Variants in LOXL3 observed in about 807,000 individuals in gnomAD.
LOXL3 encodes the protein lysyl oxidase like 3, also known as lysyl oxidase homolog 3.
In LOXL3, 60 loss-of-function variants were observed where a neutral mutation model predicts 91.8. The ratio of observed to expected loss-of-function variants is 0.65; its 90% CI spans 0.53 to 0.81. LOXL3 has a LOEUF of 0.81. LOXL3 is among the 30% of genes least tolerant of loss of function. The pLI, the probability that LOXL3 is intolerant of heterozygous loss-of-function variation, is 0.00. For missense variants in LOXL3, 874 were observed against 1,000.4 expected (o/e 0.87, Z 1.70); for synonymous variants, 355 against 387.6 (o/e 0.92, Z 0.99).
intron 4 of LOXL3, among the ~76,000 whole-genome samples, chr2:74,547,789 T>C (rs935892785): frequency 3.3e-5 from 5 of 152,230 alleles, no homozygotes; most frequent in African/African-American, 1.2e-4. Context: ...AAAAATAAGG[T>C]GATTCTTAGA....
At position 74,552,635 on chromosome 2, in the gene LOXL3, G is replaced by A. The variant is rs1488925147; in HGVS notation, c.-1C>T. 2 of 1,543,154 alleles carry A rather than the reference G, an allele frequency of 1.3e-6. No homozygotes were observed. Among genetic ancestry groups the A allele is most frequent in the East Asian group, 2.4e-5 (1 of 41,866 alleles). ...ACTGCCAGACACTGACAGGTCGCATGGCAGGGAAGGCCTGGGTGCCCCAGA... is the reference window on the plus strand; with the variant it reads ...ACTGCCAGACACTGACAGGTCGCATAGCAGGGAAGGCCTGGGTGCCCCAGA... On this transcript the variant is annotated 5_prime_UTR_variant, in exon 2 of 14. Coordinates refer to ENST00000264094, the MANE Select transcript of LOXL3 (RefSeq NM_032603.5).
At chr2:74,551,027 G>C (rs1027266786) in intron 2 of LOXL3, among the ~76,000 whole-genome samples, 1 of 151,670 alleles carries the variant, frequency 6.6e-6, no homozygotes, top group East Asian at 1.9e-4. Context: ...CTGTCTCCCA[G>C]GTTCAAGCAA....
In LOXL3 at chr2:74,550,295, C is replaced by G; in HGVS notation, c.367G>C (p.Glu123Gln). 1 of 1,614,130 alleles carries G rather than the reference C, an allele frequency of 6.2e-7. No homozygotes were observed. The highest frequency in any genetic ancestry group is 8.5e-7 in the Non-Finnish European group (1 of 1,179,978). Reference protein sequence around the residue: ...SCSGTEQSVTECASRGWGNSD... With the variant: ...SCSGTEQSVTQCASRGWGNSD... Reference sequence around the variant, plus strand: ...TTCCCCCAGCCCCGGGAGGCACATTCAGTCACACTCTGCTCGGTCCCACTG... The same window carrying G: ...TTCCCCCAGCCCCGGGAGGCACATTGAGTCACACTCTGCTCGGTCCCACTG... Residue 123 changes from glutamate to glutamine, a missense_variant, in exon 3 of 14, where the codon GAA becomes CAA. Coordinates refer to ENST00000264094, the MANE Select transcript of LOXL3 (RefSeq NM_032603.5).
At position 74,533,493 on chromosome 2, in the gene LOXL3, T is replaced by C. The variant is rs1007639725; in HGVS notation, c.*113A>G. 12 of 857,958 alleles carry C rather than the reference T, an allele frequency of 1.4e-5. No homozygotes were observed. The highest frequency in any genetic ancestry group is 1.9e-5 in the Non-Finnish European group (10 of 527,278). 53.1% of individuals were successfully genotyped at this position (857,958 alleles called of 1,614,324 possible). A position where few individuals can be genotyped will look rare whatever the true frequency, so the allele number is the denominator to read the frequency against. On this transcript the variant is annotated 3_prime_UTR_variant, in exon 14 of 14. Coordinates refer to ENST00000264094, the MANE Select transcript of LOXL3 (RefSeq NM_032603.5). ...TTGACAGTTCCACATCCATAGTGCA[T>C]GGTCTGATGAGTGCGGTTGCTGACA... is the stretch of plus-strand genomic sequence containing the variant.
chr2:74,549,578 C>T lies in LOXL3; in HGVS notation c.483G>A (p.Glu161=), dbSNP rs1438494537. ...GFSDSNVIEV[E]HHLQVEEVRI... Reference sequence around the variant, plus strand: ...GCACCTCCTCCACTTGCAGGTGATGCTCTACCTGGGGGCGGGGCCACAAGC... The same window carrying T: ...GCACCTCCTCCACTTGCAGGTGATGTTCTACCTGGGGGCGGGGCCACAAGC... The change falls in exon 4 of 14, where the codon GAG becomes GAA. Residue 161 remains glutamate, a synonymous_variant. Coordinates refer to ENST00000264094, the MANE Select transcript of LOXL3 (RefSeq NM_032603.5). This position sits in a 1 kb window ranked among gnomAD's most constrained non-coding sequence, Gnocchi z 5.3. The T allele has an allele frequency of 1.2e-6, 2 of 1,607,186 alleles. No homozygotes were observed. The highest frequency in any genetic ancestry group is 1.7e-6 in the Non-Finnish European group (2 of 1,175,278).
chr2:74,547,185 T>C (rs767422185), intron 4 of LOXL3, among the ~76,000 whole-genome samples: 1 of 151,990 alleles, frequency 6.6e-6, no homozygotes, highest in Non-Finnish European at 1.5e-5. Context: ...TAATTTTATT[T>C]TTAAAAAATT....
Position 74,532,535 on chromosome 2 carries a change from A to G in LOXL3, c.*1071T>C, listed in dbSNP as rs766470852. On this transcript the variant is annotated 3_prime_UTR_variant, in exon 14 of 14. Transcript: ENST00000264094. ...CCATGTCCTGTCCATATATTTATCA[A>G]TGTGTTGATGAGAGACTTGAGGTGG... is the stretch of plus-strand genomic sequence containing the variant. 10 of 998,868 alleles carry G rather than the reference A, an allele frequency of 1.0e-5. No homozygotes were observed. Among genetic ancestry groups the G allele is most frequent in the Admixed American group, 1.9e-5 (1 of 52,746 alleles). 61.9% of individuals were successfully genotyped at this position (998,868 alleles called of 1,614,324 possible). A position where few individuals can be genotyped will look rare whatever the true frequency, so the allele number is the denominator to read the frequency against.
intron 4 of LOXL3, among the ~76,000 whole-genome samples, chr2:74,541,546 T>A (rs971611894): frequency 6.6e-6 from 1 of 152,222 alleles, no homozygotes; most frequent in African/African-American, 2.4e-5. Flanking sequence ...TTAGACTCTT[T>A]CATCTTATAA....
intron 4 of LOXL3, among the ~76,000 whole-genome samples, chr2:74,547,125 C>T (rs1676639803): frequency 6.6e-6 from 1 of 152,180 alleles, no homozygotes; most frequent in South Asian, 2.1e-4. Context: ...ATCTTCCCAC[C>T]TCAGCCTCCC....
chr2:74,554,308 G>C (rs1476032365), upstream of LOXL3: 1 of 172,350 alleles, frequency 5.8e-6, no homozygotes, highest in Admixed American at 6.3e-5. The surrounding 1 kb of genome is among the most constrained non-coding windows in gnomAD (Gnocchi z 4.9). Context: ...GGCCAGCGGA[G>C]TCTAAACAGC....
chr2:74,553,637 TC>T (rs1373579180), intron 1 of LOXL3, among the ~76,000 whole-genome samples: 1 of 152,116 alleles, frequency 6.6e-6, no homozygotes, highest in African/African-American at 2.4e-5. Context: ...GGGCAGCGCC[TC>T]CCGGAGGAGC....
intron 4 of LOXL3, among the ~76,000 whole-genome samples, chr2:74,545,404 T>C (rs890012471): frequency 1.3e-5 from 2 of 152,222 alleles, no homozygotes; most frequent in Non-Finnish European, 2.9e-5. Context: ...ATTTGTAATT[T>C]TTCTATAAGG....
intron 1 of LOXL3, among the ~76,000 whole-genome samples, chr2:74,553,573 C>G (rs994863860): frequency 6.6e-6 from 1 of 152,226 alleles, no homozygotes; most frequent in African/African-American, 2.4e-5. Context: ...CATGCTTCCC[C>G]CAACCCAAAC....
rs989659050 is a variant in LOXL3, at chr2:74,537,831, C to T, written c.693-903G>A. On this transcript the variant is annotated intron_variant, in intron 4 of 13. Transcript: ENST00000264094. ...TAGAATGAGAGGCTGCAGTGAGGCA[C>T]GTGCCAGAGTGAAGTACACTCTGCC... 1.6e-4 allele frequency among the ~76,000 whole-genome samples: 25 copies of T among 152,100 alleles called. 1 individual carries two copies. The highest frequency in any genetic ancestry group is 2.0e-4 in the Admixed American group (3 of 15,278).
At position 74,549,505 on chromosome 2, in the gene LOXL3, C is replaced by G; in HGVS notation, c.556G>C (p.Glu186Gln). 1 of 1,613,750 alleles carries G rather than the reference C, an allele frequency of 6.2e-7. No individual in the cohort carries two copies. The highest frequency in any genetic ancestry group is 8.5e-7 in the Non-Finnish European group (1 of 1,179,878). The change falls in exon 4 of 14, where the codon GAG becomes CAG. Residue 186 changes from glutamate to glutamine, a missense_variant. By Grantham distance (29) the Glu-to-Gln change is conservative. Coordinates refer to ENST00000264094, the MANE Select transcript of LOXL3 (RefSeq NM_032603.5). The surrounding 1 kb of genome is among the most constrained non-coding windows in gnomAD (Gnocchi z 5.3). ...GGAAGCCTGACTTCCACCAGCCCCT[C>G]CGTCACGGGCAGGGGTCGTCTGCCC... is the stretch of plus-strand genomic sequence containing the variant. ...GWGRRPLPVT[E>Q]GLVEVRLPDG...
At position 74,532,268 on chromosome 2, in the gene LOXL3, C is replaced by T. The variant is rs1474974530; in HGVS notation, c.*1338G>A. 3.9e-5 allele frequency: 19 copies of T among 482,338 alleles called. No individual in the cohort carries two copies. In the East Asian group the frequency reaches 7.4e-4, roughly 19 times the overall value. The allele number at this position is 482,338 out of a possible 1,614,324, so 29.9% of individuals were successfully genotyped here. ...ACTCAGCCAACCTGATTTCCTACTC[C>T]CATGTTTTTTATTTATGCTGTTCTT... On this transcript the variant is annotated 3_prime_UTR_variant, in exon 14 of 14. Transcript: ENST00000264094.
At chr2:74,546,395 A>G (rs1028055167) in intron 4 of LOXL3, among the ~76,000 whole-genome samples, 3 of 152,264 alleles carry the variant, frequency 2.0e-5, no homozygotes, top group Admixed American at 2.0e-4. Context: ...CCTCTCCCAG[A>G]TGGCCCGCAG....
At position 74,552,502 on chromosome 2, in the gene LOXL3, G is replaced by T; in HGVS notation, c.133C>A (p.Arg45=). ...KKAGSQGLRF[R]LAGFPRKPYE... is the part of the protein sequence containing the mutation. ...GGCTTCCTGGGGAAGCCAGCCAGCC[G>T]GAACCGAAGCCCCTGGCTCCCGGCC... The change falls in exon 2 of 14, where the codon CGG becomes AGG. Residue 45 remains arginine, a synonymous_variant. Transcript: ENST00000264094. The T allele has an allele frequency of 6.2e-7, 1 of 1,613,694 alleles. No homozygotes were observed. Among genetic ancestry groups the T allele is most frequent in the Non-Finnish European group, 8.5e-7 (1 of 1,179,946 alleles).
In LOXL3 at chr2:74,535,772, T is replaced by A; in HGVS notation, c.1249-17A>T. 6.5e-7 allele frequency: 1 copy of A among 1,539,592 alleles called. No homozygotes were observed. The highest frequency in any genetic ancestry group is 1.3e-5 in the South Asian group (1 of 77,818). ...GAGTCGGATCTGTAGTGACACAGAATGGAAGCGCTGGAGAAAGCTTTGGGG... is the reference window on the plus strand; with the variant it reads ...GAGTCGGATCTGTAGTGACACAGAAAGGAAGCGCTGGAGAAAGCTTTGGGG... On this transcript the variant is annotated splice_polypyrimidine_tract_variant and intron_variant, in intron 7 of 13. Transcript: ENST00000264094. This position sits in a 1 kb window ranked among gnomAD's most constrained non-coding sequence, Gnocchi z 4.2.
Sources: gnomAD v4.1 joint callset for allele counts (sites outside exome capture counted in the v4.1 genomes callset) on GRCh38, gnomAD v4.1.1 for gene constraint, Gnocchi (gnomAD v3.1) non-coding constraint, MANE v1.5 for transcripts, NCBI Gene and HGNC (gene_info 2026-07-23, HGNC 2026-07-21) for gene names.